STK33: variants seen among roughly 807,000 people sequenced by gnomAD.
STK33 encodes serine/threonine kinase 33.
STK33 carries 52 observed loss-of-function variants against 58.0 expected under a neutral mutation model. The observed-to-expected ratio is 0.90, with a 90% confidence interval of 0.72 to 1.13. STK33 has a LOEUF of 1.13. STK33 is among the 50% of genes most tolerant of loss of function. The pLI is 0.00. For missense variants in STK33, 630 were observed against 604.2 expected, an observed-to-expected ratio of 1.04 and a Z score of -0.45; for synonymous variants, 215 against 200.1, an observed-to-expected ratio of 1.07 and a Z score of -0.63.
chr11:8,484,841 C>CAA (rs1950090677), intron 1 of STK33, among the ~76,000 whole-genome samples: 3 of 152,090 alleles, frequency 2.0e-5, no homozygotes, highest in Non-Finnish European at 4.4e-5. Context: ...TAGAGCACAT[C>CAA]AATTGGTGAT....
At chr11:8,370,204 T>A in the STK33 span, among the ~76,000 whole-genome samples, 12 of 150,490 alleles carry the variant, frequency 8.0e-5, no homozygotes, top group South Asian at 2.3e-3. Flanking sequence ...AGATGAGGCT[T>A]TTTTTTTTAA....
At chr11:8,454,350 T>C (rs1012902332) in intron 10 of STK33, among the ~76,000 whole-genome samples, 4 of 152,068 alleles carry the variant, frequency 2.6e-5, no homozygotes, top group African/African-American at 9.7e-5. Context: ...ACAGGAAAAT[T>C]TTCAATAAGA....
At chr11:8,446,461 G>A (rs939633016) in intron 11 of STK33, among the ~76,000 whole-genome samples, 1 of 151,926 alleles carries the variant, frequency 6.6e-6, no homozygotes, top group African/African-American at 2.4e-5. Flanking sequence ...TTTTAATTGG[G>A]ATGTTAGGGT....
chr11:8,588,635 A>T (rs2032101567), intron 1 of STK33, among the ~76,000 whole-genome samples: 1 of 152,228 alleles, frequency 6.6e-6, no homozygotes, highest in African/African-American at 2.4e-5. Flanking sequence ...TGTATTTTAG[A>T]TATGGCACCT....
At chr11:8,341,313 G>A in the STK33 span, among the ~76,000 whole-genome samples, 434 of 152,326 alleles carry the variant, frequency 2.8e-3, 1 homozygote, top group Middle Eastern at 6.8e-3. Context: ...ACAAAGCAGG[G>A]AGGCTGCCTC....
intron 1 of STK33, among the ~76,000 whole-genome samples, chr11:8,510,831 C>A (rs1952255689): frequency 6.6e-6 from 1 of 152,080 alleles, no homozygotes; most frequent in Non-Finnish European, 1.5e-5. Context: ...GACTTTATTT[C>A]TGTGCTCTCC....
At chr11:8,395,805 T>C (rs574084609) in intron 15 of STK33, among the ~76,000 whole-genome samples, 2 of 152,378 alleles carry the variant, frequency 1.3e-5, no homozygotes, top group East Asian at 1.9e-4. Context: ...ACAGGATATA[T>C]ATTTTAGAAG....
At chr11:8,349,804 C>T in the STK33 span, among the ~76,000 whole-genome samples, 1 of 152,234 alleles carries the variant, frequency 6.6e-6, no homozygotes, top group African/African-American at 2.4e-5. Flanking sequence ...CTTCCCTCCA[C>T]CACACTCCTC....
At chr11:8,439,691 G>A (rs74410593) in intron 12 of STK33, among the ~76,000 whole-genome samples, 2,201 of 151,622 alleles carry the variant, frequency 0.015, 49 homozygotes, top group African/African-American at 0.05. Flanking sequence ...AATCATTATA[G>A]CACAGTGTAG....
chr11:8,365,459 G>C, the STK33 span, among the ~76,000 whole-genome samples: 104 of 152,322 alleles, frequency 6.8e-4, no homozygotes, highest in African/African-American at 2.4e-3. Context: ...TGGAAATGCA[G>C]TGACAGTAAC....
chr11:8,354,952 A>C, the STK33 span, among the ~76,000 whole-genome samples: 1 of 152,256 alleles, frequency 6.6e-6, no homozygotes, highest in Non-Finnish European at 1.5e-5. Flanking sequence ...CGCAGCCTGA[A>C]TGCTTCTGTT....
At chr11:8,360,009 T>C in the STK33 span, among the ~76,000 whole-genome samples, 12 of 152,360 alleles carry the variant, frequency 7.9e-5, no homozygotes, top group Non-Finnish European at 1.2e-4. Context: ...TGGTCCAGGC[T>C]GGCTCAGCCC....
chr11:8,351,432 C>CCCCACCATGTGG, the STK33 span, among the ~76,000 whole-genome samples: 1 of 152,220 alleles, frequency 6.6e-6, no homozygotes, highest in Non-Finnish European at 1.5e-5. Flanking sequence ...CCTCTGCCCG[C>CCCCACCATGTGG]CCCACCATGA....
At chr11:8,512,523 A>AACAG (rs1170092584) in intron 1 of STK33, among the ~76,000 whole-genome samples, 2 of 152,226 alleles carry the variant, frequency 1.3e-5, no homozygotes, top group African/African-American at 4.8e-5. Flanking sequence ...GCATTCCTGT[A>AACAG]ACAGCTATGG....
chr11:8,442,030 TACACACACACACACACACACACAC>T (rs55646106), intron 11 of STK33, among the ~76,000 whole-genome samples: 2 of 143,326 alleles, frequency 1.4e-5, no homozygotes, highest in South Asian at 4.4e-4. Context: ...TACCTACACC[TACACACACACACACACACACACAC>T]ACACACACAC....
intron 6 of STK33, among the ~76,000 whole-genome samples, chr11:8,472,104 A>T (rs948009455): frequency 6.6e-6 from 1 of 151,994 alleles, no homozygotes; most frequent in African/African-American, 2.4e-5. Context: ...TTTTTTAAAA[A>T]TTTTTTTAGA....
the STK33 span, among the ~76,000 whole-genome samples, chr11:8,368,388 G>C: frequency 6.6e-6 from 1 of 152,202 alleles, no homozygotes; most frequent in South Asian, 2.1e-4. Flanking sequence ...GTCCCTGAGA[G>C]CGATGCTGTC....
the STK33 span, among the ~76,000 whole-genome samples, chr11:8,357,395 C>T: frequency 2.6e-4 from 40 of 152,346 alleles, no homozygotes; most frequent in Non-Finnish European, 4.4e-4. Flanking sequence ...TGGAGCTGGT[C>T]GCAGCCCCGC....
At chr11:8,372,442 C>T in the STK33 span, among the ~76,000 whole-genome samples, 3 of 152,208 alleles carry the variant, frequency 2.0e-5, no homozygotes, top group African/African-American at 7.2e-5. Flanking sequence ...TTGAAAGCCT[C>T]ACCCCACCTG....
Sources: gnomAD v4.1 joint callset for allele counts (sites outside exome capture counted in the v4.1 genomes callset) on GRCh38, gnomAD v4.1.1 for gene constraint, MANE v1.5 for transcripts, NCBI Gene and HGNC (gene_info 2026-07-23, HGNC 2026-07-21) for gene names.